The following ICA1 variants were observed in gnomAD, a reference collection of about 807,000 sequenced individuals.
ICA1 encodes islet cell autoantigen 1, also known as 69 kDa islet cell autoantigen.
In ICA1, 40 loss-of-function variants were observed where a neutral mutation model predicts 71.0. The observed-to-expected ratio is 0.56, with a 90% confidence interval of 0.44 to 0.73. The LOEUF (loss-of-function observed/expected upper bound fraction) is 0.73, where lower values mean the gene tolerates loss of function less well. Among genes scored for constraint, ICA1 ranks in the 30% least tolerant of loss-of-function variants. ICA1 has a pLI of 0.00. For missense variants in ICA1, 578 were observed against 576.5 expected (o/e 1.00, Z -0.03); for synonymous variants, 207 against 209.5 (o/e 0.99, Z 0.10).
In ICA1 at chr7:8,226,516, C is replaced by T. The variant is rs1274272843; in HGVS notation, c.256+2085G>A. On this transcript the variant is annotated intron_variant, in intron 4 of 13. Transcript: ENST00000402384. This position sits in a 1 kb window ranked among gnomAD's most constrained non-coding sequence, Gnocchi z 4.4. Reference sequence around the variant, plus strand: ...ATGTTTTGCTTCTTTCACTTAAAAGCATATCCTCCAAATCACTCCATATTA... The same window carrying T: ...ATGTTTTGCTTCTTTCACTTAAAAGTATATCCTCCAAATCACTCCATATTA... 6.6e-6 allele frequency among the ~76,000 whole-genome samples: 1 copy of T among 152,160 alleles called. No homozygotes were observed.
chr7:8,126,456 T>G (rs1351762521), intron 13 of ICA1, among the ~76,000 whole-genome samples: 3 of 152,098 alleles, frequency 2.0e-5, no homozygotes, highest in Non-Finnish European at 2.9e-5. Context: ...CCCTGCTATC[T>G]CTACCTCCAT....
In ICA1 at chr7:8,259,843, A is replaced by C. The variant is rs115781624; in HGVS notation, c.-80+2251T>G. Among the ~76,000 whole-genome samples, 763 of 152,254 alleles carry C rather than the reference A, an allele frequency of 5.0e-3. 8 individuals are homozygous for C. Among genetic ancestry groups the C allele is most frequent in the African/African-American group, 0.016 (667 of 41,514 alleles). The stretch of plus-strand genomic sequence containing the variant: ...GGGAATCAAGAAAAAAGCGGGGGAA[A>C]AGTGTTTTTTGAGTTTAAAGTTCTG... On this transcript the variant is annotated intron_variant, in intron 1 of 13. Transcript: ENST00000402384.
At chr7:8,149,349 T>C (rs908323804) in intron 8 of ICA1, among the ~76,000 whole-genome samples, 1 of 152,218 alleles carries the variant, frequency 6.6e-6, no homozygotes, top group Admixed American at 6.5e-5. Context: ...GAAAGAATGT[T>C]TTTAGACTAA....
At chr7:8,150,621 G>T (rs1465226097) in intron 8 of ICA1, among the ~76,000 whole-genome samples, 1 of 152,180 alleles carries the variant, frequency 6.6e-6, no homozygotes, top group East Asian at 1.9e-4. Context: ...ACCCCAGCCA[G>T]CATGTAGTGA....
intron 1 of ICA1, among the ~76,000 whole-genome samples, chr7:8,248,194 G>A (rs1210802242): frequency 1.3e-5 from 2 of 152,076 alleles, no homozygotes; most frequent in African/African-American, 4.8e-5. Flanking sequence ...CATTCAGTGG[G>A]TAGCTTTTCT....
chr7:8,144,469 C>T lies in ICA1; in HGVS notation c.805-497G>A, dbSNP rs564043790. On this transcript the variant is annotated intron_variant, in intron 8 of 13. Coordinates refer to ENST00000402384, the MANE Select transcript of ICA1 (RefSeq NM_001136020.3). The surrounding 1 kb of genome is among the most constrained non-coding windows in gnomAD (Gnocchi z 4.5). ...TTTTAAAAAATAACAGAAAACAAAA[C>T]CTTTTCTTAAAAAACCAAAAATAGT... 6.6e-6 allele frequency among the ~76,000 whole-genome samples: 1 copy of T among 152,266 alleles called. No individual in the cohort carries two copies. The highest frequency in any genetic ancestry group is 2.1e-4 in the South Asian group (1 of 4,824).
intron 6 of ICA1, among the ~76,000 whole-genome samples, chr7:8,175,223 G>A (rs1053563718): frequency 4.6e-5 from 7 of 152,130 alleles, no homozygotes; most frequent in African/African-American, 1.7e-4. Flanking sequence ...CAGGGACAGG[G>A]AAGTTGAAGT....
intron 6 of ICA1, among the ~76,000 whole-genome samples, chr7:8,179,505 C>G (rs2128254670): frequency 6.6e-6 from 1 of 152,372 alleles, no homozygotes; most frequent in East Asian, 1.9e-4. Flanking sequence ...AATTCGTTTT[C>G]ATACCATTTC....
At chr7:8,183,825 A>G (rs1290051092) in intron 6 of ICA1, among the ~76,000 whole-genome samples, 1 of 152,204 alleles carries the variant, frequency 6.6e-6, no homozygotes, top group Non-Finnish European at 1.5e-5. Context: ...TAAATGAGAT[A>G]AAAACATTCA....
chr7:8,220,326 T>A (rs1453270421), intron 5 of ICA1, among the ~76,000 whole-genome samples: 1 of 152,202 alleles, frequency 6.6e-6, no homozygotes, highest in Non-Finnish European at 1.5e-5. Flanking sequence ...GGTCTCTTTT[T>A]TCCTCCTCTT....
intron 6 of ICA1, among the ~76,000 whole-genome samples, chr7:8,169,122 G>C (rs115028609): frequency 2.4e-3 from 369 of 152,206 alleles, no homozygotes; most frequent in African/African-American, 8.6e-3. Context: ...GTAGTCTATA[G>C]TCTTTTTTTG....
In ICA1 at chr7:8,143,184, C is replaced by G. The variant is rs115402645; in HGVS notation, c.902+691G>C. 2.5e-3 allele frequency among the ~76,000 whole-genome samples: 388 copies of G among 152,300 alleles called. 1 individual carries two copies. The highest frequency in any genetic ancestry group is 8.9e-3 in the African/African-American group (369 of 41,560). ...TATTATATCTCCATAGAAAATGATA[C>G]AGATCCACATTTCAACCTCCTTCTC... On this transcript the variant is annotated intron_variant, in intron 9 of 13. Coordinates refer to ENST00000402384, the MANE Select transcript of ICA1 (RefSeq NM_001136020.3).
At position 8,144,630 on chromosome 7, in the gene ICA1, A is replaced by T. The variant is rs73057548; in HGVS notation, c.805-658T>A. Among the ~76,000 whole-genome samples the T allele has an allele frequency of 2.3e-3, 206 of 88,220 alleles. No homozygotes were observed. The highest frequency in any genetic ancestry group is 4.4e-3 in the Non-Finnish European group (179 of 40,812). The allele number at this position is 88,220 out of a possible 152,430, so 57.9% of individuals were successfully genotyped here. A position where few individuals can be genotyped will look rare whatever the true frequency, so the allele number is the denominator to read the frequency against. The stretch of plus-strand genomic sequence containing the variant: ...AGTTACTATTTTCAAGGTTAACTAA[A>T]TATTTAAGTTTTTTTTTTTAAACAG... On this transcript the variant is annotated intron_variant, in intron 8 of 13. Transcript: ENST00000402384. The surrounding 1 kb of genome is among the most constrained non-coding windows in gnomAD (Gnocchi z 4.5).
intron 8 of ICA1, among the ~76,000 whole-genome samples, chr7:8,150,430 G>C (rs9640059): frequency 6.6e-6 from 1 of 152,230 alleles, no homozygotes; most frequent in Admixed American, 6.5e-5. Context: ...TATGTTTTCT[G>C]TATCTCACTT....
At chr7:8,213,207 C>T (rs3757511) in intron 6 of ICA1, among the ~76,000 whole-genome samples, 2 of 152,038 alleles carry the variant, frequency 1.3e-5, no homozygotes, top group Non-Finnish European at 2.9e-5. Flanking sequence ...AAAAGAAATT[C>T]TCCTCATAAA....
At chr7:8,228,924 C>A (rs562613074) in intron 3 of ICA1, among the ~76,000 whole-genome samples, 2 of 152,258 alleles carry the variant, frequency 1.3e-5, no homozygotes, top group East Asian at 1.9e-4. Flanking sequence ...TTATTTCTCC[C>A]AGTCTACTGA....
Position 8,249,392 on chromosome 7 carries a change from ATAATT to A in ICA1, c.-80+12697_-80+12701del, listed in dbSNP as rs370780834. ...AACTAACCGTAAGCAGTTGTGCATT[ATAATT>A]TAAAGACACGCAACAGGGGAAACAG... On this transcript the variant is annotated intron_variant, in intron 1 of 13. Transcript: ENST00000402384. Among the ~76,000 whole-genome samples, 107 of 152,358 alleles carry A rather than the reference ATAATT, an allele frequency of 7.0e-4. 2 individuals carry two copies. The highest frequency in any genetic ancestry group is 2.5e-3 in the African/African-American group (105 of 41,586).
In ICA1 at chr7:8,229,179, C is replaced by T. The variant is rs368412483; in HGVS notation, c.184-506G>A. Among the ~76,000 whole-genome samples the T allele has an allele frequency of 8.5e-5, 13 of 152,240 alleles. No homozygotes were observed. The South Asian group carries it at 1.5e-3, about 17-fold the overall frequency. On this transcript the variant is annotated intron_variant, in intron 3 of 13. Coordinates refer to ENST00000402384, the MANE Select transcript of ICA1 (RefSeq NM_001136020.3). ...GGATAAAGCAAACAAAATCAATCAG[C>T]TGGATGTCCTGTCTATTTAGAAAAC...
chr7:8,246,928 A>G (rs1051196706), intron 1 of ICA1, among the ~76,000 whole-genome samples: 3 of 152,028 alleles, frequency 2.0e-5, no homozygotes, highest in Non-Finnish European at 4.4e-5. Flanking sequence ...TTGTATTTTT[A>G]GTAGAGATGG....
Sources: allele counts gnomAD v4.1 joint callset (sites outside exome capture counted in the v4.1 genomes callset), GRCh38; gene constraint gnomAD v4.1.1; non-coding constraint Gnocchi (gnomAD v3.1); transcripts MANE v1.5; gene names NCBI Gene and HGNC (gene_info 2026-07-23, HGNC 2026-07-21).